Variants in PCLO observed in about 807,000 individuals in gnomAD.
The protein encoded by PCLO is protein piccolo.
PCLO carries 82 observed loss-of-function variants against 427.5 expected under a neutral mutation model. The observed-to-expected ratio is 0.19, with a 90% confidence interval of 0.16 to 0.23. The LOEUF is 0.23. PCLO is among the 10% of genes least tolerant of loss of function. The pLI, the probability that PCLO is intolerant of heterozygous loss-of-function variation, is 1.00. For synonymous variants in PCLO, 2,357 were observed against 2,155.4 expected, an observed-to-expected ratio of 1.09 and a Z score of -2.59; for missense variants, 6,239 against 6,115.9, an observed-to-expected ratio of 1.02 and a Z score of -0.67.
intron 3 of PCLO, among the ~76,000 whole-genome samples, chr7:83,031,532 T>C (rs1398483750): frequency 6.6e-6 from 1 of 152,138 alleles, no homozygotes; most frequent in Non-Finnish European, 1.5e-5. Flanking sequence ...TAAAATACCA[T>C]GTTACACACA....
At chr7:82,893,569 T>C (rs983993255) in intron 9 of PCLO, among the ~76,000 whole-genome samples, 3 of 151,692 alleles carry the variant, frequency 2.0e-5, no homozygotes, top group Non-Finnish European at 4.4e-5. Flanking sequence ...ACTTAAAGTA[T>C]AATAAATAAA....
chr7:82,853,597 T>TA lies in PCLO; in HGVS notation c.13655-6351dup, dbSNP rs1562819451. On this transcript the variant is annotated intron_variant, in intron 10 of 24. Transcript: ENST00000333891. Reference sequence around the variant, plus strand: ...TAGAGCTCTGTGTAATATTTACCATTAAAAATTAAAATTTGCCTATCTCTC... The same window carrying TA: ...TAGAGCTCTGTGTAATATTTACCATTAAAAAATTAAAATTTGCCTATCTCTC... Among the ~76,000 whole-genome samples, 9 of 152,162 alleles carry TA rather than the reference T, an allele frequency of 5.9e-5. No homozygotes were observed. The South Asian group carries it at 1.4e-3, about 24-fold the overall frequency.
chr7:83,130,694 T>C (rs1791548718), intron 3 of PCLO, among the ~76,000 whole-genome samples: 1 of 152,126 alleles, frequency 6.6e-6, no homozygotes. Context: ...ATGCAGGATA[T>C]CTCCACTAGG....
intron 3 of PCLO, among the ~76,000 whole-genome samples, chr7:83,057,291 C>A (rs1372154141): frequency 8.9e-6 from 1 of 112,422 alleles, no homozygotes; most frequent in East Asian, 2.8e-4. Flanking sequence ...AATGATCCAT[C>A]TGAAGGAAAA....
At chr7:82,926,748 A>G (rs1156397710) in intron 6 of PCLO, among the ~76,000 whole-genome samples, 1 of 152,172 alleles carries the variant, frequency 6.6e-6, no homozygotes, top group African/African-American at 2.4e-5. Flanking sequence ...TTATTGCATT[A>G]TATTTTCTGG....
chr7:82,850,741 A>G (rs1181457678), intron 10 of PCLO, among the ~76,000 whole-genome samples: 1 of 152,116 alleles, frequency 6.6e-6, no homozygotes, highest in African/African-American at 2.4e-5. Flanking sequence ...CTAACACTTC[A>G]TATGTGGTAG....
At chr7:82,882,901 A>G (rs970799921) in intron 9 of PCLO, among the ~76,000 whole-genome samples, 1 of 152,106 alleles carries the variant, frequency 6.6e-6, no homozygotes, top group Non-Finnish European at 1.5e-5. Context: ...ATCTGCTACA[A>G]TGAAAGCTCT....
intron 10 of PCLO, among the ~76,000 whole-genome samples, chr7:82,856,797 G>A (rs541876152): frequency 2.8e-4 from 42 of 152,132 alleles, no homozygotes; most frequent in Non-Finnish European, 4.9e-4. Flanking sequence ...TGGTTTGAAC[G>A]CCTCCTCAAA....
rs1027557014 is a variant in PCLO at position 83,134,881 on chromosome 7, G to A, written c.2669C>T (p.Pro890Leu). The change falls in exon 3 of 25, where the codon CCC becomes CTC. Residue 890 changes from proline (P) to leucine (L), a missense_variant. Coordinates refer to ENST00000333891, the MANE Select transcript of PCLO (RefSeq NM_033026.6). ...GPRPTAGQTV[P>L]TPQQSPKPQE... The stretch of plus-strand genomic sequence containing the variant: ...AGGCTTTGGGGACTGTTGAGGTGTG[G>A]GGACAGTTTGGCCAGCGGTAGGTCG... 6.2e-7 allele frequency: 1 copy of A among 1,604,490 alleles called. No homozygotes were observed. The highest frequency in any genetic ancestry group is 1.3e-5 in the African/African-American group (1 of 74,554).
At chr7:83,068,011 T>G (rs989721796) in intron 3 of PCLO, among the ~76,000 whole-genome samples, 1 of 145,822 alleles carries the variant, frequency 6.9e-6, no homozygotes, top group African/African-American at 2.6e-5. Context: ...GAAGCAATAT[T>G]TTTAAGAGAT....
intron 3 of PCLO, among the ~76,000 whole-genome samples, chr7:83,077,992 G>A (rs1162947294): frequency 6.6e-6 from 1 of 152,050 alleles, no homozygotes; most frequent in Non-Finnish European, 1.5e-5. Flanking sequence ...TCAATTCAAG[G>A]TCGGTAATTG....
intron 3 of PCLO, among the ~76,000 whole-genome samples, chr7:83,041,432 ACTGTCCTATG>A (rs1788970875): frequency 6.6e-6 from 1 of 152,128 alleles, no homozygotes; most frequent in Non-Finnish European, 1.5e-5. Context: ...TTCTGTCTAA[ACTGTCCTATG>A]TTAATGCATC....
At chr7:82,942,661 A>G (rs905985856) in intron 6 of PCLO, among the ~76,000 whole-genome samples, 2 of 152,152 alleles carry the variant, frequency 1.3e-5, no homozygotes, top group African/African-American at 4.8e-5. Context: ...CTTTCCAATT[A>G]CTAATGACCA....
In PCLO at chr7:83,155,983, G is replaced by C. The variant is rs1792286348; in HGVS notation, c.658C>G (p.Pro220Ala). 1 of 1,613,592 alleles carries C rather than the reference G, an allele frequency of 6.2e-7. No individual in the cohort carries two copies. The highest frequency in any genetic ancestry group is 8.5e-7 in the Non-Finnish European group (1 of 1,179,840). ...PLQQQPPKPI[P>A]KQQGPGRDPL... ...TCCCTACCAGGTCCTTGCTGCTTAG[G>C]AATCGGCTTGGGTGGCTGTTGTTGT... is the stretch of plus-strand genomic sequence containing the variant. Residue 220 changes from proline to alanine, a missense_variant, in exon 2 of 25, where the codon CCT becomes GCT. Physicochemically the swap from Pro to Ala is conservative, Grantham distance 27 (BLOSUM62 -1). Coordinates refer to ENST00000333891, the MANE Select transcript of PCLO (RefSeq NM_033026.6).
chr7:82,787,394 A>C (rs1409941165), intron 22 of PCLO, among the ~76,000 whole-genome samples: 2 of 152,168 alleles, frequency 1.3e-5, no homozygotes, highest in African/African-American at 4.8e-5. Flanking sequence ...TCTTTTGAGA[A>C]GAAGACACAA....
At chr7:82,990,939 T>A (rs1796362066) in intron 3 of PCLO, among the ~76,000 whole-genome samples, 1 of 152,194 alleles carries the variant, frequency 6.6e-6, no homozygotes, top group Non-Finnish European at 1.5e-5. Flanking sequence ...TCAAAATTGA[T>A]ATTCATTTAT....
intron 22 of PCLO, among the ~76,000 whole-genome samples, chr7:82,799,774 C>T (rs1056999899): frequency 6.6e-6 from 1 of 152,152 alleles, no homozygotes; most frequent in African/African-American, 2.4e-5. Flanking sequence ...TTTCATGTTT[C>T]TTGCTCCCAG....
chr7:83,135,934 C>T (rs1472368611), intron 2 of PCLO, among the ~76,000 whole-genome samples: 2 of 151,876 alleles, frequency 1.3e-5, no homozygotes, highest in Non-Finnish European at 2.9e-5. Context: ...CCCATCTCTA[C>T]TTAAAATACA....
intron 12 of PCLO, among the ~76,000 whole-genome samples, chr7:82,846,309 G>T (rs1792500651): frequency 6.6e-6 from 1 of 152,112 alleles, no homozygotes; most frequent in South Asian, 2.1e-4. Flanking sequence ...GTGAACTCAT[G>T]CAGCAAGGAT....
Sources: gnomAD v4.1 joint callset for allele counts (sites outside exome capture counted in the v4.1 genomes callset) on GRCh38, gnomAD v4.1.1 for gene constraint, MANE v1.5 for transcripts, NCBI Gene and HGNC (gene_info 2026-07-23, HGNC 2026-07-21) for gene names.